Variants in SHC3 observed in about 807,000 individuals in gnomAD.
SHC3 encodes the protein SHC-transforming protein 3.
SHC3 carries 15 observed loss-of-function variants against 60.4 expected under a neutral mutation model. The observed-to-expected ratio is 0.25, with a 90% CI of 0.17 to 0.38. The LOEUF (loss-of-function observed/expected upper bound fraction) is 0.38. SHC3 is among the 10% of genes least tolerant of loss of function. The pLI is 1.00. For missense variants in SHC3, 677 were observed against 786.1 expected (o/e 0.86, Z 1.66); for synonymous variants, 294 against 325.9 (o/e 0.90, Z 1.05).
rs754314850 is a variant in SHC3, at chr9:89,178,290, G to C, written c.171C>G (p.Pro57=). Residue 57 remains proline, a synonymous_variant, in exon 1 of 12, where the codon CCC becomes CCG. Coordinates refer to ENST00000375835, the MANE Select transcript of SHC3 (RefSeq NM_016848.6). The surrounding 1 kb of genome is among the most constrained non-coding windows in gnomAD (Gnocchi z 6.9). ...LVSGEALRKA[P]DDGPGSLGHL... ...GGCCCAGGCTGCCGGGCCCATCGTC[G>C]GGCGCCTTGCGCAGCGCCTCGCCGG... 6.4e-7 allele frequency: 1 copy of C among 1,565,820 alleles called. No homozygotes were observed.
In SHC3 at chr9:89,112,532, G is replaced by A. The variant is rs942233317; in HGVS notation, c.545+24C>T. 3 of 1,601,528 alleles carry A rather than the reference G, an allele frequency of 1.9e-6. No individual in the cohort carries two copies. The East Asian group carries it at 6.7e-5, about 36-fold the overall frequency. ...CCTTCCTTCAGAAGTAAAATCACAGGAGTCCATTTTCAAGAGGGCTTACCT... is the reference window on the plus strand; with the variant it reads ...CCTTCCTTCAGAAGTAAAATCACAGAAGTCCATTTTCAAGAGGGCTTACCT... On this transcript the variant is annotated intron_variant, in intron 2 of 11. Coordinates refer to ENST00000375835, the MANE Select transcript of SHC3 (RefSeq NM_016848.6).
chr9:89,025,194 TCA>T (rs34622700), intron 11 of SHC3, among the ~76,000 whole-genome samples: 148,320 of 150,704 alleles, frequency 0.98, 73,004 homozygotes, highest in Middle Eastern at 1. Flanking sequence ...CTGGAACAGG[TCA>T]CACACACACA....
At chr9:89,049,411 A>G (rs1824826549) in intron 7 of SHC3, among the ~76,000 whole-genome samples, 1 of 152,186 alleles carries the variant, frequency 6.6e-6, no homozygotes, top group Admixed American at 6.5e-5. Flanking sequence ...ACATACAAAC[A>G]CATACAGAAC....
At chr9:89,057,024 T>A (rs558346589) in intron 6 of SHC3, among the ~76,000 whole-genome samples, 3 of 152,224 alleles carry the variant, frequency 2.0e-5, no homozygotes, top group African/African-American at 4.8e-5. Context: ...TGGCTGCTGA[T>A]CCAGACACCA....
intron 6 of SHC3, among the ~76,000 whole-genome samples, chr9:89,055,052 C>G (rs1401036150): frequency 6.6e-6 from 1 of 152,264 alleles, no homozygotes; most frequent in East Asian, 1.9e-4. Context: ...AAGCAAACCA[C>G]TCCCTTAGGA....
Position 89,042,148 on chromosome 9 carries a change from A to G in SHC3, c.1238T>C (p.Leu413Pro). ...SDIYSTPEGK[L>P]HVAPTGEAPT... ...TGCTTCTCCCGTGGGGGCCACGTGC[A>G]GTTTCCCTTCTGGCGTGCTGTAGAT... The change falls in exon 10 of 12, where the codon CTG becomes CCG. Residue 413 changes from leucine to proline, a missense_variant. Physicochemically the swap from Leu to Pro is moderately conservative, Grantham distance 98 (BLOSUM62 -3). Transcript: ENST00000375835. 2 of 1,554,354 alleles carry G rather than the reference A, an allele frequency of 1.3e-6. No individual in the cohort carries two copies. The highest frequency in any genetic ancestry group is 1.7e-6 in the Non-Finnish European group (2 of 1,158,794).
chr9:89,059,670 G>A (rs1388020274), intron 6 of SHC3, among the ~76,000 whole-genome samples: 15 of 129,794 alleles, frequency 1.2e-4, no homozygotes, highest in South Asian at 5.4e-4. Flanking sequence ...GGAGGACGTG[G>A]TGGAGGATGG....
intron 6 of SHC3, among the ~76,000 whole-genome samples, chr9:89,058,461 T>TGGTGGTGGAGGATGATGATGGAGGAC (rs1824994185): frequency 7.8e-6 from 1 of 128,746 alleles, no homozygotes; most frequent in African/African-American, 3.0e-5. Context: ...TGGTGGAGGA[T>TGGTGGTGGAGGATGATGATGGAGGAC]GGTGGTGGAG....
rs936502439 is a variant in SHC3, at chr9:89,079,484, T to C, written c.546-1581A>G. Among the ~76,000 whole-genome samples, 6 of 152,280 alleles carry C rather than the reference T, an allele frequency of 3.9e-5. No homozygotes were observed. The East Asian group carries it at 1.2e-3, about 29-fold the overall frequency. The stretch of plus-strand genomic sequence containing the variant: ...GAAGTGTCTCCCTTTAATCACTCCA[T>C]AAATATTCCTGATAAGCACCGTATT... On this transcript the variant is annotated intron_variant, in intron 2 of 11. Coordinates refer to ENST00000375835, the MANE Select transcript of SHC3 (RefSeq NM_016848.6).
At chr9:89,086,730 G>A (rs1458925522) in intron 2 of SHC3, among the ~76,000 whole-genome samples, 1 of 152,094 alleles carries the variant, frequency 6.6e-6, no homozygotes, top group Non-Finnish European at 1.5e-5. Flanking sequence ...CCTGTGACAA[G>A]CCCCCAGCCA....
In SHC3 at chr9:89,005,915, T is replaced by A. The variant is rs1403383712; in HGVS notation, c.*7532A>T. ...ACCCTTTCACAGAAATGTAACAAGG[T>A]GCATTTTATAGAAAACATCTAATTA... On this transcript the variant is annotated 3_prime_UTR_variant, in exon 12 of 12. Transcript: ENST00000375835. 1 of 152,220 alleles carries A rather than the reference T, an allele frequency of 6.6e-6. No homozygotes were observed. Among genetic ancestry groups the A allele is most frequent in the Non-Finnish European group, 1.5e-5 (1 of 68,038 alleles). 9.4% of individuals were successfully genotyped at this position (152,220 alleles called of 1,614,324 possible). A position where few individuals can be genotyped will look rare whatever the true frequency, so the allele number is the denominator to read the frequency against.
At chr9:89,123,743 C>T (rs1459341327) in intron 1 of SHC3, among the ~76,000 whole-genome samples, 1 of 152,166 alleles carries the variant, frequency 6.6e-6, no homozygotes, top group Non-Finnish European at 1.5e-5. Flanking sequence ...TATAAGAATT[C>T]ATGGATAATT....
chr9:89,070,685 ACTCT>A (rs149441072), intron 5 of SHC3, among the ~76,000 whole-genome samples: 1 of 150,142 alleles, frequency 6.7e-6, no homozygotes, highest in African/African-American at 2.4e-5. Flanking sequence ...TCTTCTTCTT[ACTCT>A]CTCTCTCTCT....
At chr9:89,106,629 G>A (rs1228905469) in intron 2 of SHC3, among the ~76,000 whole-genome samples, 1 of 152,150 alleles carries the variant, frequency 6.6e-6, no homozygotes, top group Non-Finnish European at 1.5e-5. Context: ...GCGGGACCCT[G>A]CTCCAGATGG....
At chr9:89,078,024 G>C (rs1207678848) in intron 2 of SHC3, 121 bp from the exon 3 acceptor site, 1 of 1,168,894 alleles carries the variant, frequency 8.6e-7, no homozygotes, top group Non-Finnish European at 1.2e-6. Flanking sequence ...AGAAAACAGA[G>C]CTGCCAATTT....
At chr9:89,104,006 C>T (rs775094567) in intron 2 of SHC3, among the ~76,000 whole-genome samples, 10 of 152,124 alleles carry the variant, frequency 6.6e-5, no homozygotes, top group Non-Finnish European at 1.3e-4. Context: ...CACAAATGTG[C>T]TTCTGGCATG....
chr9:89,105,785 A>T (rs1233005794), intron 2 of SHC3, among the ~76,000 whole-genome samples: 1 of 152,238 alleles, frequency 6.6e-6, no homozygotes, highest in African/African-American at 2.4e-5. Flanking sequence ...TATCAGCTCA[A>T]GTGAAAATTA....
chr9:89,145,873 C>A (rs569230117), intron 1 of SHC3, among the ~76,000 whole-genome samples: 1 of 152,176 alleles, frequency 6.6e-6, no homozygotes, highest in South Asian at 2.1e-4. Context: ...TATGGTTAAA[C>A]TGTTAAGTTT....
At chr9:89,049,184 C>T (rs1824822508) in intron 7 of SHC3, among the ~76,000 whole-genome samples, 1 of 152,162 alleles carries the variant, frequency 6.6e-6, no homozygotes, top group Non-Finnish European at 1.5e-5. Flanking sequence ...TGGCGCGAAC[C>T]CGGTAGGTGG....
Sources: allele counts gnomAD v4.1 joint callset (sites outside exome capture counted in the v4.1 genomes callset), GRCh38; gene constraint gnomAD v4.1.1; non-coding constraint Gnocchi (gnomAD v3.1); transcripts MANE v1.5; gene names NCBI Gene and HGNC (gene_info 2026-07-23, HGNC 2026-07-21).